The following GABRA5 variants were observed in gnomAD, a reference collection of about 807,000 sequenced individuals.
GABRA5 encodes gamma-aminobutyric acid type A receptor subunit alpha5, also known as gamma-aminobutyric acid receptor subunit alpha-5.
In GABRA5, 18 loss-of-function variants were observed where a neutral mutation model predicts 47.3. That is an observed-to-expected ratio of 0.38 (90% CI 0.26 to 0.56). GABRA5 has a LOEUF of 0.56. Among genes scored for constraint, GABRA5 ranks in the 20% least tolerant of loss-of-function variants. The probability of loss-of-function intolerance (pLI) is 0.71; values close to 1 mark genes in which losing one functional copy is unlikely to be tolerated. For missense variants in GABRA5, 365 were observed against 599.3 expected, an observed-to-expected ratio of 0.61 and a Z score of 4.08; for synonymous variants, 237 against 229.3, an observed-to-expected ratio of 1.03 and a Z score of -0.30.
At chr15:26,882,692 C>T (rs967016106) in intron 4 of GABRA5, among the ~76,000 whole-genome samples, 3 of 152,170 alleles carry the variant, frequency 2.0e-5, no homozygotes, top group Admixed American at 1.3e-4. Context: ...TTCTCAACAT[C>T]GTTTCCCGGA....
chr15:26,897,232 G>A (rs558346688), intron 6 of GABRA5, among the ~76,000 whole-genome samples: 15 of 152,214 alleles, frequency 9.9e-5, no homozygotes, highest in South Asian at 8.3e-4. Context: ...TGCATTTGGC[G>A]AAGGGGTTCT....
At chr15:26,916,347 T>C (rs956627723) in intron 7 of GABRA5, among the ~76,000 whole-genome samples, 1 of 152,184 alleles carries the variant, frequency 6.6e-6, no homozygotes, top group African/African-American at 2.4e-5. Context: ...TCCTCATTTT[T>C]GTATTCTTGG....
At chr15:26,870,453 C>A (rs983134369) in intron 3 of GABRA5, among the ~76,000 whole-genome samples, 1 of 152,184 alleles carries the variant, frequency 6.6e-6, no homozygotes, top group Non-Finnish European at 1.5e-5. Flanking sequence ...CTTTGTCCAG[C>A]AGAGCTGAGC....
chr15:26,889,092 G>A (rs538174056), intron 6 of GABRA5, among the ~76,000 whole-genome samples: 3 of 152,324 alleles, frequency 2.0e-5, no homozygotes, highest in East Asian at 3.9e-4. Context: ...CTAGACAGTC[G>A]TGCACTGAAT....
chr15:26,909,984 C>T (rs1167102291), intron 6 of GABRA5, among the ~76,000 whole-genome samples: 3 of 152,206 alleles, frequency 2.0e-5, no homozygotes, highest in African/African-American at 7.2e-5. Flanking sequence ...TCTTTAATCA[C>T]CTCATTGTCA....
In GABRA5 at chr15:26,867,573, C is replaced by G. The variant is rs532617531; in HGVS notation, c.-140+462C>G. ...GGCCAGAGCGCAAACTTTACCCTGG[C>G]GACTGCGGGGCTGAAGCCGGGCGCG... On this transcript the variant is annotated intron_variant, in intron 1 of 10. Transcript: ENST00000335625. The surrounding 1 kb of genome is among the most constrained non-coding windows in gnomAD (Gnocchi z 5.9). Among the ~76,000 whole-genome samples, 135 of 151,962 alleles carry G rather than the reference C, an allele frequency of 8.9e-4. No individual in the cohort carries two copies. Among genetic ancestry groups the G allele is most frequent in the African/African-American group, 3.1e-3 (130 of 41,478 alleles).
At chr15:26,881,032 C>T (rs1892717509) in intron 4 of GABRA5, 65 bp downstream of exon 4, 6 of 1,567,680 alleles carry the variant, frequency 3.8e-6, no homozygotes, top group Non-Finnish European at 5.2e-6. Context: ...TCGTCTCAAG[C>T]TTGTGTTTGC....
chr15:26,877,681 A>G (rs1188432117), intron 3 of GABRA5: 3 of 455,612 alleles, frequency 6.6e-6, no homozygotes, highest in South Asian at 4.7e-5. Flanking sequence ...ATGACGCCAC[A>G]ACTTGTACTC....
chr15:26,943,955 T>C (rs897108328), intron 10 of GABRA5, among the ~76,000 whole-genome samples: 3 of 152,072 alleles, frequency 2.0e-5, no homozygotes, highest in Non-Finnish European at 4.4e-5. Flanking sequence ...GCCCAAACAT[T>C]TGAAGAAAAA....
chr15:26,878,392 C>A (rs1892648715), intron 3 of GABRA5, among the ~76,000 whole-genome samples: 1 of 152,194 alleles, frequency 6.6e-6, no homozygotes, highest in Admixed American at 6.5e-5. Context: ...ACAGCACGAG[C>A]CTTTCTCTCC....
chr15:26,867,389 G>T lies in GABRA5; in HGVS notation c.-140+278G>T, dbSNP rs927825283. The T allele has an allele frequency of 2.6e-5, 4 of 151,846 alleles. No homozygotes were observed. Among genetic ancestry groups the T allele is most frequent in the Admixed American group, 2.0e-4 (3 of 15,266 alleles). The allele number at this position is 151,846 out of a possible 1,614,324, so 9.4% of individuals were successfully genotyped here. A position where few individuals can be genotyped will look rare whatever the true frequency, so the allele number is the denominator to read the frequency against. ...CTCCCGGGGCCGGCGCGCAGGGTGAGCCCTGGGCGCGCTGGGCCGGGGCAG... is the reference window on the plus strand; with the variant it reads ...CTCCCGGGGCCGGCGCGCAGGGTGATCCCTGGGCGCGCTGGGCCGGGGCAG... On this transcript the variant is annotated intron_variant, in intron 1 of 10. Coordinates refer to ENST00000335625, the MANE Select transcript of GABRA5 (RefSeq NM_000810.4). This position sits in a 1 kb window ranked among gnomAD's most constrained non-coding sequence, Gnocchi z 5.9.
chr15:26,880,845 G>A lies in GABRA5; in HGVS notation c.87-1G>A. ...CTTCCTCTTGTTTCTCTTTTTAAAA[G>A]CTTTTCACAGATGCCAACCAGTTCA... is the stretch of plus-strand genomic sequence containing the variant. On this transcript the variant is annotated splice_acceptor_variant, in intron 3 of 10. Coordinates refer to ENST00000335625, the MANE Select transcript of GABRA5 (RefSeq NM_000810.4). LOFTEE classifies it high-confidence loss of function. 6.2e-7 allele frequency: 1 copy of A among 1,613,004 alleles called. No individual in the cohort carries two copies. The highest frequency in any genetic ancestry group is 8.5e-7 in the Non-Finnish European group (1 of 1,179,560).
intron 7 of GABRA5, among the ~76,000 whole-genome samples, chr15:26,927,121 TGAGACAGAGTCTC>T (rs1226856112): frequency 1.3e-5 from 2 of 152,122 alleles, no homozygotes; most frequent in African/African-American, 2.4e-5. Context: ...TTTTCTTTTT[TGAGACAGAGTCTC>T]ACACTCTCAC....
At chr15:26,910,060 T>C (rs1217162105) in intron 6 of GABRA5, among the ~76,000 whole-genome samples, 4 of 146,702 alleles carry the variant, frequency 2.7e-5, no homozygotes, top group Non-Finnish European at 6.0e-5. Flanking sequence ...TTTCAGAGAA[T>C]GAAATAAATG....
Position 26,948,311 on chromosome 15 carries a change from T to C in GABRA5, c.*78T>C. 7.4e-7 allele frequency: 1 copy of C among 1,354,228 alleles called. No homozygotes were observed. Among genetic ancestry groups the C allele is most frequent in the Non-Finnish European group, 1.0e-6 (1 of 991,684 alleles). The allele number at this position is 1,354,228 out of a possible 1,614,324, so 83.9% of individuals were successfully genotyped here. On this transcript the variant is annotated 3_prime_UTR_variant, in exon 11 of 11. Coordinates refer to ENST00000335625, the MANE Select transcript of GABRA5 (RefSeq NM_000810.4). Reference sequence around the variant, plus strand: ...AAGGAGAGGTCTTGCTCACAGGGACTCTCCATATGTGAGCACTATCTTTCA... The same window carrying C: ...AAGGAGAGGTCTTGCTCACAGGGACCCTCCATATGTGAGCACTATCTTTCA...
At chr15:26,905,716 A>T (rs914829159) in intron 6 of GABRA5, among the ~76,000 whole-genome samples, 2 of 151,436 alleles carry the variant, frequency 1.3e-5, no homozygotes, top group Non-Finnish European at 2.9e-5. Context: ...CATTTGACTT[A>T]TCTTCAAATT....
At chr15:26,889,343 A>G (rs1349808394) in intron 6 of GABRA5, among the ~76,000 whole-genome samples, 1 of 151,810 alleles carries the variant, frequency 6.6e-6, no homozygotes, top group Non-Finnish European at 1.5e-5. Context: ...GTCCTTGGAA[A>G]TTATATTTTA....
Position 26,883,566 on chromosome 15 carries a change from C to CGGGCGG in GABRA5, c.497+17_497+22dup. The stretch of plus-strand genomic sequence containing the variant: ...CTGCTCTACACCATGCGGTGAGCGC[C>CGGGCGG]GGGCGGGGGCGGGCGGGGCCGGGGG... On this transcript the variant is annotated intron_variant, in intron 6 of 10. Transcript: ENST00000335625. The surrounding 1 kb of genome is among the most constrained non-coding windows in gnomAD (Gnocchi z 4.8). The CGGGCGG allele has an allele frequency of 2.6e-5, 14 of 540,568 alleles. No homozygotes were observed. The highest frequency in any genetic ancestry group is 4.5e-5 in the Non-Finnish European group (13 of 289,712). The allele number at this position is 540,568 out of a possible 1,614,324, so 33.5% of individuals were successfully genotyped here. A position where few individuals can be genotyped will look rare whatever the true frequency, so the allele number is the denominator to read the frequency against.
At chr15:26,937,098 C>T in intron 7 of GABRA5, 87 bp from the exon 8 acceptor site, 1 of 1,501,108 alleles carries the variant, frequency 6.7e-7, no homozygotes, top group South Asian at 1.1e-5. Flanking sequence ...CTCATCCTCT[C>T]TCTTGCTACT....
Sources: allele counts gnomAD v4.1 joint callset (sites outside exome capture counted in the v4.1 genomes callset), GRCh38; gene constraint gnomAD v4.1.1; non-coding constraint Gnocchi (gnomAD v3.1); transcripts MANE v1.5; gene names NCBI Gene and HGNC (gene_info 2026-07-23, HGNC 2026-07-21).